The following ARB2A variants were observed in gnomAD, a reference collection of about 807,000 sequenced individuals.
ARB2A encodes ARB2 cotranscriptional regulator A, also known as cotranscriptional regulator ARB2A.
At chr5:93,639,848 C>T in the ARB2A span, among the ~76,000 whole-genome samples, 23 of 151,730 alleles carry the variant, frequency 1.5e-4, no homozygotes, top group Middle Eastern at 3.4e-3. Flanking sequence ...AGTTCGAGAC[C>T]GGCCTGGCCA....
chr5:94,040,458 C>T, the ARB2A span, among the ~76,000 whole-genome samples: 1 of 151,528 alleles, frequency 6.6e-6, no homozygotes, highest in Non-Finnish European at 1.5e-5. Context: ...CACCCACTAA[C>T]TCGTCATTTG....
At chr5:93,778,199 A>C in the ARB2A span, among the ~76,000 whole-genome samples, 340 of 152,388 alleles carry the variant, frequency 2.2e-3, no homozygotes, top group African/African-American at 7.8e-3. Flanking sequence ...AGTTGAATGC[A>C]AAATTACACA....
the ARB2A span, chr5:93,683,701 T>A: frequency 1.9e-6 from 3 of 1,611,088 alleles, no homozygotes; most frequent in African/African-American, 4.0e-5. Context: ...CATGTCCATG[T>A]CCATCGAATC....
the ARB2A span, among the ~76,000 whole-genome samples, chr5:93,911,497 T>C: frequency 6.6e-6 from 1 of 151,632 alleles, no homozygotes; most frequent in Non-Finnish European, 1.5e-5. Context: ...GTACACAGAA[T>C]TATTGAATTA....
the ARB2A span, among the ~76,000 whole-genome samples, chr5:93,756,829 CA>C: frequency 1.5e-4 from 23 of 152,092 alleles, no homozygotes; most frequent in Middle Eastern, 3.4e-3. Context: ...AACACCCCCC[CA>C]AAAAATCACA....
At chr5:94,030,836 T>C in the ARB2A span, among the ~76,000 whole-genome samples, 1 of 152,192 alleles carries the variant, frequency 6.6e-6, no homozygotes, top group Non-Finnish European at 1.5e-5. Flanking sequence ...CTGAAGAGAA[T>C]GGCTTGATAT....
chr5:93,908,912 A>C, the ARB2A span, among the ~76,000 whole-genome samples: 1 of 151,050 alleles, frequency 6.6e-6, no homozygotes, highest in Non-Finnish European at 1.5e-5. Context: ...TATTGTATAA[A>C]GAAATTAGGA....
chr5:93,872,054 T>C, the ARB2A span, among the ~76,000 whole-genome samples: 1 of 150,782 alleles, frequency 6.6e-6, no homozygotes, highest in Non-Finnish European at 1.5e-5. Flanking sequence ...GTTCAAGCAA[T>C]TCTCTTGCCT....
chr5:93,977,660 AT>A, the ARB2A span, among the ~76,000 whole-genome samples: 1 of 152,154 alleles, frequency 6.6e-6, no homozygotes, highest in East Asian at 1.9e-4. Context: ...CAAACTAAAA[AT>A]CCTAGAAGAG....
the ARB2A span, among the ~76,000 whole-genome samples, chr5:93,869,481 A>G: frequency 1.3e-5 from 2 of 152,240 alleles, no homozygotes. Flanking sequence ...TAATTCAATT[A>G]TAATAATAAT....
At chr5:93,631,816 GA>G in the ARB2A span, among the ~76,000 whole-genome samples, 1 of 146,062 alleles carries the variant, frequency 6.8e-6, no homozygotes, top group Non-Finnish European at 1.5e-5. Flanking sequence ...GGGGAGAGGG[GA>G]GGGGGGAGAG....
At chr5:94,110,392 GATA>G in the ARB2A span, among the ~76,000 whole-genome samples, 12 of 152,178 alleles carry the variant, frequency 7.9e-5, no homozygotes, top group Non-Finnish European at 1.6e-4. Flanking sequence ...TGGTTTCATA[GATA>G]ATATTTCCCT....
chr5:93,685,013 C>G, the ARB2A span, among the ~76,000 whole-genome samples: 1 of 152,130 alleles, frequency 6.6e-6, no homozygotes, highest in East Asian at 1.9e-4. Context: ...CAAGTAGCAA[C>G]TAAAGAGTTA....
At chr5:93,984,009 C>A in the ARB2A span, among the ~76,000 whole-genome samples, 2 of 151,926 alleles carry the variant, frequency 1.3e-5, no homozygotes, top group African/African-American at 4.8e-5. Flanking sequence ...CGAAAAGTAG[C>A]TATTTATTAA....
At chr5:93,999,568 T>C in the ARB2A span, among the ~76,000 whole-genome samples, 1 of 151,880 alleles carries the variant, frequency 6.6e-6, no homozygotes, top group Non-Finnish European at 1.5e-5. Context: ...TACAGAGATT[T>C]CCCATGTACA....
At chr5:94,095,435 T>C in the ARB2A span, among the ~76,000 whole-genome samples, 1 of 152,164 alleles carries the variant, frequency 6.6e-6, no homozygotes, top group African/African-American at 2.4e-5. Flanking sequence ...AAGCCTTCTC[T>C]GCCCACCGCT....
the ARB2A span, among the ~76,000 whole-genome samples, chr5:93,889,869 T>C: frequency 2.6e-5 from 4 of 152,024 alleles, no homozygotes; most frequent in African/African-American, 9.6e-5. Context: ...AATATCCATT[T>C]GCCAACTTTA....
At chr5:94,069,230 T>C in the ARB2A span, among the ~76,000 whole-genome samples, 94 of 152,282 alleles carry the variant, frequency 6.2e-4, 1 homozygote, top group South Asian at 0.019. Context: ...AAAAACTAAA[T>C]ATCTATACGT....
At chr5:93,630,821 C>T in the ARB2A span, among the ~76,000 whole-genome samples, 10 of 152,036 alleles carry the variant, frequency 6.6e-5, no homozygotes, top group African/African-American at 2.4e-4. Flanking sequence ...CACCTGTAGT[C>T]CCAACTACTT....
Sources: allele counts gnomAD v4.1 joint callset (sites outside exome capture counted in the v4.1 genomes callset), GRCh38; gene constraint gnomAD v4.1.1; transcripts MANE v1.5; gene names NCBI Gene and HGNC (gene_info 2026-07-23, HGNC 2026-07-21).